The following MSH3 variants were observed in gnomAD, a reference collection of about 807,000 sequenced individuals.
MSH3 encodes the protein mutS homolog 3.
In MSH3, 106 loss-of-function variants were observed where a neutral mutation model predicts 123.3. The ratio of observed to expected loss-of-function variants is 0.86; its 90% CI spans 0.73 to 1.01. The LOEUF is 1.01. Among genes scored for constraint, MSH3 ranks in the 50% least tolerant of loss-of-function variants. The pLI, the probability that MSH3 is intolerant of heterozygous loss-of-function variation, is 0.00. For missense variants in MSH3, 1,459 were observed against 1,347.6 expected, an observed-to-expected ratio of 1.08 and a Z score of -1.29; for synonymous variants, 515 against 481.4, an observed-to-expected ratio of 1.07 and a Z score of -0.91.
intron 8 of MSH3, among the ~76,000 whole-genome samples, chr5:80,685,481 A>G (rs1750067869): frequency 6.6e-6 from 1 of 151,886 alleles, no homozygotes; most frequent in Admixed American, 6.6e-5. Flanking sequence ...ACCACTAATG[A>G]TCCTTTGAAT....
chr5:80,677,431 A>T (rs1365687642), intron 7 of MSH3, among the ~76,000 whole-genome samples: 3 of 152,172 alleles, frequency 2.0e-5, no homozygotes, highest in Non-Finnish European at 4.4e-5. Context: ...CTGACTGAAA[A>T]ATTTGTTACT....
intron 6 of MSH3, among the ~76,000 whole-genome samples, chr5:80,674,309 C>T (rs6151648): frequency 6.6e-6 from 1 of 152,084 alleles, no homozygotes; most frequent in African/African-American, 2.4e-5. Flanking sequence ...ATTTTATACA[C>T]ACATACACAG....
rs1381306442 is a variant in MSH3 at position 80,752,426 on chromosome 5, G to A, written c.1763+7811G>A. ...AGCTATCTTTAGAGATAGTTATTCTGTTTTAGAGATAAGAATAACTAAGTC... is the reference window on the plus strand; with the variant it reads ...AGCTATCTTTAGAGATAGTTATTCTATTTTAGAGATAAGAATAACTAAGTC... On this transcript the variant is annotated intron_variant, in intron 12 of 23. Coordinates refer to ENST00000265081, the MANE Select transcript of MSH3 (RefSeq NM_002439.5). 3.3e-5 allele frequency among the ~76,000 whole-genome samples: 5 copies of A among 152,128 alleles called. No homozygotes were observed. The South Asian group carries it at 6.2e-4, about 19-fold the overall frequency.
intron 20 of MSH3, among the ~76,000 whole-genome samples, chr5:80,819,446 ATG>A (rs35865568): frequency 4.0e-4 from 55 of 136,790 alleles, no homozygotes; most frequent in South Asian, 1.2e-3. Flanking sequence ...ATATATGTAT[ATG>A]TGTGTGTGTG....
chr5:80,810,194 T>TATATATATATATATATATATATATAA (rs1554074256), intron 19 of MSH3, among the ~76,000 whole-genome samples: 2 of 146,884 alleles, frequency 1.4e-5, no homozygotes, highest in South Asian at 2.1e-4. Context: ...TATATATATA[T>TATATATATATATATATATATATATAA]AAACTAGTAG....
intron 4 of MSH3, among the ~76,000 whole-genome samples, chr5:80,671,860 C>G (rs915185102): frequency 1.3e-5 from 2 of 152,200 alleles, no homozygotes; most frequent in Non-Finnish European, 2.9e-5. Flanking sequence ...TCTGCATACT[C>G]TGTAGTGTCT....
At chr5:80,839,174 A>G (rs1462707201) in intron 20 of MSH3, among the ~76,000 whole-genome samples, 5 of 152,116 alleles carry the variant, frequency 3.3e-5, no homozygotes, top group African/African-American at 4.8e-5. Context: ...TGAGACCAGC[A>G]TGGCCAACAT....
intron 18 of MSH3, among the ~76,000 whole-genome samples, chr5:80,789,974 A>G (rs1226740420): frequency 6.6e-6 from 1 of 152,212 alleles, no homozygotes; most frequent in African/African-American, 2.4e-5. Flanking sequence ...AACATTAGAA[A>G]GTTTAATAAT....
At position 80,660,390 on chromosome 5, in the gene MSH3, TTCCTCCCACTGGG is replaced by T. The variant is rs1242412587; in HGVS notation, c.358+3874_358+3886del. ...GCATGGGAAAGACTGGCTCCCATGA[TTCCTCCCACTGGG>T]TCCTCCCACTGGGTTACCTCTCACT... On this transcript the variant is annotated intron_variant, in intron 2 of 23. Transcript: ENST00000265081. Among the ~76,000 whole-genome samples, 6 of 152,228 alleles carry T rather than the reference TTCCTCCCACTGGG, an allele frequency of 3.9e-5. No homozygotes were observed. The East Asian group carries it at 7.7e-4, about 20-fold the overall frequency.
chr5:80,774,531 T>C (rs1326817946), intron 15 of MSH3, among the ~76,000 whole-genome samples: 2 of 152,164 alleles, frequency 1.3e-5, no homozygotes, highest in Non-Finnish European at 2.9e-5. Flanking sequence ...GCAGCACTAT[T>C]CACAACAGCT....
At chr5:80,727,294 C>T (rs1443674284) in intron 9 of MSH3, among the ~76,000 whole-genome samples, 1 of 152,174 alleles carries the variant, frequency 6.6e-6, no homozygotes, top group African/African-American at 2.4e-5. Context: ...AAATCAATTT[C>T]TCAGTGGAAC....
chr5:80,699,098 A>C (rs1750550006), intron 8 of MSH3, among the ~76,000 whole-genome samples: 1 of 152,076 alleles, frequency 6.6e-6, no homozygotes, highest in Non-Finnish European at 1.5e-5. Flanking sequence ...TAGCCTAGTG[A>C]CCCTTTGTGT....
intron 20 of MSH3, among the ~76,000 whole-genome samples, chr5:80,832,778 A>G (rs910844195): frequency 6.6e-6 from 1 of 151,926 alleles, no homozygotes; most frequent in East Asian, 1.9e-4. Context: ...AGTATGTCCA[A>G]TAATACTGTT....
chr5:80,671,914 C>A (rs1749733678), intron 4 of MSH3, among the ~76,000 whole-genome samples: 1 of 152,176 alleles, frequency 6.6e-6, no homozygotes, highest in African/African-American at 2.4e-5. Flanking sequence ...CAAATTCTTA[C>A]TCTTTTACAG....
At position 80,813,708 on chromosome 5, in the gene MSH3, C is replaced by T. The variant is rs766261257; in HGVS notation, c.2780C>T (p.Ala927Val). 16 of 1,613,948 alleles carry T rather than the reference C, an allele frequency of 9.9e-6. No individual in the cohort carries two copies. The Admixed American group carries it at 1.2e-4, about 12-fold the overall frequency. ...GGCTCCTATGTTCCTGCAGAAGAAGCGACAATTGGGATTGTGGATGGCATT... is the reference window on the plus strand; with the variant it reads ...GGCTCCTATGTTCCTGCAGAAGAAGTGACAATTGGGATTGTGGATGGCATT... ...QIGSYVPAEE[A>V]TIGIVDGIFT... The change falls in exon 20 of 24, where the codon GCG (alanine) becomes GTG (valine). Residue 927 changes from alanine (A) to valine (V), a missense_variant. Transcript: ENST00000265081.
In MSH3 at chr5:80,861,529, T is replaced by C. The variant is rs145158236; in HGVS notation, c.3001-3284T>C. On this transcript the variant is annotated intron_variant, in intron 21 of 23. Transcript: ENST00000265081. ...TAGTTTCTTCTGAGGGCAGACCTTG[T>C]TAAGAACAGAGTGCCCTGGTGCATT... is the stretch of plus-strand genomic sequence containing the variant. Among the ~76,000 whole-genome samples the C allele has an allele frequency of 4.3e-3, 648 of 152,338 alleles. 4 individuals carry two copies. The highest frequency in any genetic ancestry group is 0.014 in the African/African-American group (601 of 41,576).
intron 19 of MSH3, among the ~76,000 whole-genome samples, chr5:80,810,547 A>G (rs1439595996): frequency 3.9e-5 from 6 of 152,134 alleles, no homozygotes; most frequent in Non-Finnish European, 7.4e-5. Flanking sequence ...TACTGTGTTG[A>G]AAAGACTGTC....
chr5:80,693,816 C>G (rs760234518), intron 8 of MSH3, among the ~76,000 whole-genome samples: 1 of 152,032 alleles, frequency 6.6e-6, no homozygotes, highest in Non-Finnish European at 1.5e-5. Context: ...TGTCACCACG[C>G]CTGGCTAATT....
chr5:80,762,311 C>G (rs1156416752), intron 13 of MSH3, among the ~76,000 whole-genome samples: 2 of 151,750 alleles, frequency 1.3e-5, no homozygotes, highest in Admixed American at 6.6e-5. Flanking sequence ...TTACTTTTTG[C>G]AGAAGTCATT....
Sources: gnomAD v4.1 joint callset for allele counts (sites outside exome capture counted in the v4.1 genomes callset) on GRCh38, gnomAD v4.1.1 for gene constraint, MANE v1.5 for transcripts, NCBI Gene and HGNC (gene_info 2026-07-23, HGNC 2026-07-21) for gene names.